Variants in AMD1 observed in about 807,000 individuals in gnomAD.
AMD1 encodes S-adenosylmethionine decarboxylase proenzyme.
A neutral mutation model predicts 40.2 loss-of-function variants in AMD1; 11 were observed. The observed-to-expected ratio is 0.27, with a 90% CI of 0.17 to 0.45. AMD1 has a LOEUF of 0.45. AMD1 is among the 20% of genes least tolerant of loss of function. The pLI is 1.00. For missense variants in AMD1, 257 were observed against 410.2 expected, an observed-to-expected ratio of 0.63 and a Z score of 3.23; for synonymous variants, 121 against 130.8, an observed-to-expected ratio of 0.93 and a Z score of 0.51.
chr6:110,881,161 T>C (rs1223620312), intron 1 of AMD1, among the ~76,000 whole-genome samples: 2 of 152,260 alleles, frequency 1.3e-5, no homozygotes, highest in Non-Finnish European at 2.9e-5. Flanking sequence ...GATCTCTGAT[T>C]ATATTTAATA....
the AMD1 span, among the ~76,000 whole-genome samples, chr6:110,868,429 G>A: frequency 5.9e-5 from 9 of 152,108 alleles, no homozygotes; most frequent in Non-Finnish European, 4.4e-5. Context: ...GATTACAGGC[G>A]TGAGCCACCG....
intron 1 of AMD1, chr6:110,875,711 G>T (rs1785067041): frequency 6.5e-6 from 1 of 152,778 alleles, no homozygotes; most frequent in African/African-American, 2.4e-5. Context: ...TCTTGCCTCG[G>T]GCGCGGATAG....
At position 110,893,636 on chromosome 6, in the gene AMD1, A is replaced by C; in HGVS notation, c.*20A>C. 6.2e-7 allele frequency: 1 copy of C among 1,608,804 alleles called. No homozygotes were observed. The highest frequency in any genetic ancestry group is 8.5e-7 in the Non-Finnish European group (1 of 1,179,494). ...AGTTGATTAAGAAAAATGAAGAAAA[A>C]ACGCAAAAAGAGAACACATGTAGAA... On this transcript the variant is annotated 3_prime_UTR_variant, in exon 9 of 9. Transcript: ENST00000368885.
the AMD1 span, among the ~76,000 whole-genome samples, chr6:110,846,674 A>G: frequency 6.6e-6 from 1 of 152,100 alleles, no homozygotes; most frequent in African/African-American, 2.4e-5. Flanking sequence ...GTTCAAGACC[A>G]GCCAGGCCAA....
At chr6:110,892,654 C>G in intron 6 of AMD1, 81 bp from the exon 7 acceptor site, 1 of 1,529,392 alleles carries the variant, frequency 6.5e-7, no homozygotes, top group South Asian at 1.1e-5. Flanking sequence ...TCTCCCTTCT[C>G]CCACCCTGGG....
At chr6:110,891,904 A>G in intron 4 of AMD1, 1 of 490,422 alleles carries the variant, frequency 2.0e-6, no homozygotes, top group South Asian at 2.3e-5. Flanking sequence ...CAACACGCCC[A>G]GCTACTTTTT....
intron 2 of AMD1, among the ~76,000 whole-genome samples, chr6:110,887,925 A>G (rs1785785566): frequency 6.6e-6 from 1 of 151,950 alleles, no homozygotes; most frequent in South Asian, 2.1e-4. Flanking sequence ...ACCTCAGGTG[A>G]TCCATCCACC....
intron 2 of AMD1, 63 bp from the exon 3 acceptor site, chr6:110,888,794 G>A: frequency 6.7e-7 from 1 of 1,492,076 alleles, no homozygotes; most frequent in Non-Finnish European, 9.1e-7. Context: ...AATTAAATTG[G>A]TTGATTGCAC....
the AMD1 span, among the ~76,000 whole-genome samples, chr6:110,829,295 G>T: frequency 6.6e-6 from 1 of 151,928 alleles, no homozygotes; most frequent in African/African-American, 2.4e-5. Flanking sequence ...ACTTTGGGAG[G>T]CTGAGGCAGG....
At chr6:110,844,902 G>T in the AMD1 span, among the ~76,000 whole-genome samples, 2 of 152,144 alleles carry the variant, frequency 1.3e-5, no homozygotes, top group African/African-American at 4.8e-5. Context: ...TGTGGTGCCT[G>T]CATCTGCTTC....
the AMD1 span, among the ~76,000 whole-genome samples, chr6:110,825,395 A>G: frequency 6.6e-5 from 10 of 152,206 alleles, no homozygotes; most frequent in Non-Finnish European, 1.5e-4. Context: ...AGATCAAATG[A>G]TCCCACTGAA....
At chr6:110,875,537 C>A in intron 1 of AMD1, 1 of 234,282 alleles carries the variant, frequency 4.3e-6, no homozygotes, top group Admixed American at 5.7e-5. Flanking sequence ...TTGCGGCCCG[C>A]GCCTCCCGAC....
At position 110,881,445 on chromosome 6, in the gene AMD1, G is replaced by A. The variant is rs1185362330; in HGVS notation, c.111-6060G>A. Among the ~76,000 whole-genome samples the A allele has an allele frequency of 2.0e-5, 3 of 152,090 alleles. No homozygotes were observed. The East Asian group carries it at 5.8e-4, about 29-fold the overall frequency. On this transcript the variant is annotated intron_variant, in intron 1 of 8. Transcript: ENST00000368885. ...AGATCAGAGAGGTGGCATTTAAGAT[G>A]AGAAAAAGGAATTCAAATCAGGAAA...
the AMD1 span, among the ~76,000 whole-genome samples, chr6:110,816,554 C>G: frequency 6.6e-6 from 1 of 152,282 alleles, no homozygotes; most frequent in Admixed American, 6.5e-5. Context: ...TAAAGAATAA[C>G]TCTTCCTTTG....
chr6:110,865,511 A>G, the AMD1 span, among the ~76,000 whole-genome samples: 1 of 152,168 alleles, frequency 6.6e-6, no homozygotes, highest in Non-Finnish European at 1.5e-5. Context: ...CTCCTGCCTC[A>G]GCCTCCCGAG....
At chr6:110,862,476 T>C in the AMD1 span, among the ~76,000 whole-genome samples, 1 of 151,580 alleles carries the variant, frequency 6.6e-6, no homozygotes, top group Non-Finnish European at 1.5e-5. Flanking sequence ...ACTTATTTTT[T>C]TTTTTTTTGA....
intron 1 of AMD1, among the ~76,000 whole-genome samples, chr6:110,886,326 T>G (rs144793790): frequency 1.8e-4 from 27 of 152,034 alleles, no homozygotes; most frequent in Non-Finnish European, 3.1e-4. Context: ...AAGACCAGGG[T>G]ATTACTCTAT....
chr6:110,819,779 C>A, the AMD1 span, among the ~76,000 whole-genome samples: 1 of 152,138 alleles, frequency 6.6e-6, no homozygotes, highest in Non-Finnish European at 1.5e-5. Flanking sequence ...AGGAAGCCTG[C>A]ACAAGATACA....
chr6:110,890,499 T>C (rs1583222359), intron 4 of AMD1, 143 bp downstream of exon 4: 1 of 635,514 alleles, frequency 1.6e-6, no homozygotes, highest in East Asian at 3.2e-5. Flanking sequence ...GTTTTTTGGT[T>C]TGTTTTAGAC....
Sources: allele counts gnomAD v4.1 joint callset (sites outside exome capture counted in the v4.1 genomes callset), GRCh38; gene constraint gnomAD v4.1.1; transcripts MANE v1.5; gene names NCBI Gene and HGNC (gene_info 2026-07-23, HGNC 2026-07-21).